SLC5A4: variants seen among roughly 807,000 people sequenced by gnomAD.
SLC5A4 encodes probable glucose sensor protein SLC5A4.
A neutral mutation model predicts 70.3 loss-of-function variants in SLC5A4; 55 were observed. The ratio of observed to expected loss-of-function variants is 0.78; its 90% CI spans 0.63 to 0.98. The LOEUF (loss-of-function observed/expected upper bound fraction) is 0.98, where lower values mean the gene tolerates loss of function less well. Among genes scored for constraint, SLC5A4 ranks in the 50% least tolerant of loss-of-function variants. The pLI is 0.00. For synonymous variants in SLC5A4, 268 were observed against 305.7 expected (o/e 0.88, Z 1.29); for missense variants, 735 against 839.2 (o/e 0.88, Z 1.53).
At chr22:32,270,882 C>G in the SLC5A4 span, 1 of 557,692 alleles carries the variant, frequency 1.8e-6, no homozygotes, top group Non-Finnish European at 3.4e-6. Context: ...CACCATCAGC[C>G]CAACGTGATC....
chr22:32,261,907 T>G, the SLC5A4 span, among the ~76,000 whole-genome samples: 1 of 152,232 alleles, frequency 6.6e-6, no homozygotes, highest in African/African-American at 2.4e-5. Flanking sequence ...ATCCCACAAA[T>G]AAGTGAGAAC....
intron 11 of SLC5A4, among the ~76,000 whole-genome samples, chr22:32,226,147 T>C (rs1249093448): frequency 6.6e-6 from 1 of 152,232 alleles, no homozygotes; most frequent in Non-Finnish European, 1.5e-5. Flanking sequence ...ACCACACTAC[T>C]TCTATTAACC....
chr22:32,271,474 A>G, the SLC5A4 span: 3 of 744,758 alleles, frequency 4.0e-6, no homozygotes, highest in Admixed American at 3.6e-5. Flanking sequence ...CTCAAAGTCC[A>G]CTTTAAGAAG....
the SLC5A4 span, among the ~76,000 whole-genome samples, chr22:32,296,989 T>TC: frequency 7.1e-6 from 1 of 140,842 alleles, no homozygotes; most frequent in African/African-American, 2.7e-5. Context: ...CAGCCTTGCA[T>TC]CCCAGGGATG....
In SLC5A4 at chr22:32,232,999, C is replaced by A; in HGVS notation, c.921G>T (p.Met307Ile). Residue 307 changes from methionine to isoleucine, a missense_variant, in exon 9 of 15, where the codon ATG becomes ATT. Transcript: ENST00000266086. ...IVQRCLCGKD[M>I]SHVKAACIMC... Reference sequence around the variant, plus strand: ...TAATGCAAGCGGCCTTCACGTGAGACATGTCCTTGCCACACAGGCAGCGCT... The same window carrying A: ...TAATGCAAGCGGCCTTCACGTGAGAAATGTCCTTGCCACACAGGCAGCGCT... 1 of 1,614,154 alleles carries A rather than the reference C, an allele frequency of 6.2e-7. No homozygotes were observed. The highest frequency in any genetic ancestry group is 2.2e-5 in the East Asian group (1 of 44,880).
chr22:32,295,332 T>C, the SLC5A4 span, among the ~76,000 whole-genome samples: 2 of 105,828 alleles, frequency 1.9e-5, 1 homozygote, highest in African/African-American at 6.9e-5. Flanking sequence ...ACCTGTTGTT[T>C]CCTGACTTTT....
At chr22:32,331,048 GTGTGTTGGAGGCTCTGGTGTGTA>G in the SLC5A4 span, among the ~76,000 whole-genome samples, 11 of 112,118 alleles carry the variant, frequency 9.8e-5, no homozygotes, top group East Asian at 2.8e-4. Flanking sequence ...TCTGGTGTGT[GTGTGTTGGAGGCTCTGGTGTGTA>G]TGTGTTGAAG....
chr22:32,233,001 T>A lies in SLC5A4; in HGVS notation c.919A>T (p.Met307Leu). The A allele has an allele frequency of 6.2e-7, 1 of 1,614,092 alleles. No homozygotes were observed. The highest frequency in any genetic ancestry group is 8.5e-7 in the Non-Finnish European group (1 of 1,179,990). Residue 307 changes from methionine (M) to leucine (L), a missense_variant, in exon 9 of 15, where the codon ATG (methionine) becomes TTG (leucine). Transcript: ENST00000266086. Reference sequence around the variant, plus strand: ...ATGCAAGCGGCCTTCACGTGAGACATGTCCTTGCCACACAGGCAGCGCTGC... The same window carrying A: ...ATGCAAGCGGCCTTCACGTGAGACAAGTCCTTGCCACACAGGCAGCGCTGC... The part of the protein sequence containing the change: ...IVQRCLCGKD[M>L]SHVKAACIMC...
chr22:32,312,476 A>G, the SLC5A4 span, among the ~76,000 whole-genome samples: 960 of 152,298 alleles, frequency 6.3e-3, 4 homozygotes, highest in Non-Finnish European at 8.6e-3. Flanking sequence ...AACCACAGGT[A>G]TAACTCACAG....
the SLC5A4 span, among the ~76,000 whole-genome samples, chr22:32,329,850 T>C: frequency 4.1e-5 from 1 of 24,224 alleles, no homozygotes; most frequent in Non-Finnish European, 6.9e-5. Context: ...GTGTGTGTGT[T>C]GGGGGCTCTG....
intron 13 of SLC5A4, among the ~76,000 whole-genome samples, chr22:32,222,980 G>C (rs1303190852): frequency 6.6e-6 from 1 of 152,126 alleles, no homozygotes; most frequent in Non-Finnish European, 1.5e-5. Flanking sequence ...TATGCTCTAA[G>C]ATTTTTTTTT....
intron 10 of SLC5A4, among the ~76,000 whole-genome samples, chr22:32,229,661 C>G (rs1393445599): frequency 6.6e-6 from 1 of 151,960 alleles, no homozygotes; most frequent in Non-Finnish European, 1.5e-5. Context: ...TAATGGGGGA[C>G]TAGGGGTGGC....
Position 32,229,250 on chromosome 22 carries a change from G to T in SLC5A4, c.1224C>A (p.Asp408Glu). The T allele has an allele frequency of 8.7e-6, 14 of 1,614,040 alleles. No homozygotes were observed. The highest frequency in any genetic ancestry group is 1.0e-5 in the Non-Finnish European group (12 of 1,179,988). Residue 408 changes from aspartate to glutamate, a missense_variant, in exon 11 of 15, where the codon GAC becomes GAA. Asp to Glu is a conservative substitution (Grantham distance 45, BLOSUM62 2). Transcript: ENST00000266086. ...CTTGCTTCCGCATCTTGGTGTAGAG[G>T]TCAATGGTGAAGAGGGTGCTGGCGC... Reference protein sequence around the residue: ...FNSASTLFTIDLYTKMRKQAS... With the variant: ...FNSASTLFTIELYTKMRKQAS...
chr22:32,333,386 A>G, the SLC5A4 span, among the ~76,000 whole-genome samples: 1 of 152,198 alleles, frequency 6.6e-6, no homozygotes, highest in Non-Finnish European at 1.5e-5. Context: ...CCAAGGGGCC[A>G]GAGTGGGGAA....
chr22:32,336,686 T>TCA, the SLC5A4 span, among the ~76,000 whole-genome samples: 276 of 152,356 alleles, frequency 1.8e-3, 1 homozygote, highest in Middle Eastern at 6.8e-3. Flanking sequence ...TAGGTCTAGT[T>TCA]CATTCTAGAA....
At chr22:32,270,397 G>A in the SLC5A4 span, 14 of 1,451,608 alleles carry the variant, frequency 9.6e-6, no homozygotes, top group East Asian at 2.3e-5. Flanking sequence ...TGAGCTTCCC[G>A]GCTGCTACGA....
At chr22:32,223,182 C>T (rs1055400498) in intron 13 of SLC5A4, among the ~76,000 whole-genome samples, 2 of 152,160 alleles carry the variant, frequency 1.3e-5, no homozygotes, top group Admixed American at 6.5e-5. Context: ...TTTGTGTGCT[C>T]ATTCCTTTCA....
the SLC5A4 span, among the ~76,000 whole-genome samples, chr22:32,339,717 A>G: frequency 6.6e-6 from 1 of 152,188 alleles, no homozygotes; most frequent in Admixed American, 6.5e-5. Flanking sequence ...ACAAACCCCG[A>G]GAGCAAAACC....
At chr22:32,307,922 C>T in the SLC5A4 span, among the ~76,000 whole-genome samples, 1 of 134,350 alleles carries the variant, frequency 7.4e-6, no homozygotes, top group Non-Finnish European at 1.6e-5. Context: ...CTGCAGTTTG[C>T]AGGGATTCTT....
Sources: gnomAD v4.1 joint callset for allele counts (sites outside exome capture counted in the v4.1 genomes callset) on GRCh38, gnomAD v4.1.1 for gene constraint, MANE v1.5 for transcripts, NCBI Gene and HGNC (gene_info 2026-07-23, HGNC 2026-07-21) for gene names.